The following NUDT19 variants were observed in gnomAD, a reference collection of about 807,000 sequenced individuals.
NUDT19 encodes nudix hydrolase 19, also known as acyl-coenzyme A diphosphatase NUDT19.
In NUDT19, 31 loss-of-function variants were observed where a neutral mutation model predicts 22.2. The ratio of observed to expected loss-of-function variants is 1.40; its 90% CI spans 1.05 to 1.89. NUDT19 has a LOEUF of 1.89. Among genes scored for constraint, NUDT19 ranks in the 40% most tolerant of loss-of-function variants. The pLI, the probability that NUDT19 is intolerant of heterozygous loss-of-function variation, is 0.00. For missense variants in NUDT19, 752 were observed against 514.2 expected, an observed-to-expected ratio of 1.46 and a Z score of -4.47; for synonymous variants, 325 against 230.8, an observed-to-expected ratio of 1.41 and a Z score of -3.70.
Position 32,692,072 on chromosome 19 carries a change from C to A in NUDT19, c.112C>A (p.Pro38Thr), listed in dbSNP as rs1485307901. 4.6e-6 allele frequency: 6 copies of A among 1,300,542 alleles called. No homozygotes were observed. The highest frequency in any genetic ancestry group is 4.0e-5 in the Admixed American group (1 of 25,198). The allele number at this position is 1,300,542 out of a possible 1,614,324, so 80.6% of individuals were successfully genotyped here. ...ETATPPSRPPPAEGFRLLLLQ... is the reference protein window; with the variant it reads ...ETATPPSRPPTAEGFRLLLLQ... ...CGCCACCCCGCCGTCGCGCCCGCCG[C>A]CGGCCGAGGGCTTCCGGCTGCTGCT... The change falls in exon 1 of 3, where the codon CCG (proline) becomes ACG (threonine). Residue 38 changes from proline to threonine, a missense_variant. Physicochemically the swap from Pro to Thr is conservative, Grantham distance 38. Transcript: ENST00000397061.
intron 1 of NUDT19, among the ~76,000 whole-genome samples, chr19:32,695,972 T>G (rs1173237970): frequency 6.6e-6 from 1 of 152,254 alleles, no homozygotes; most frequent in Admixed American, 6.5e-5. Flanking sequence ...TGGCATAACC[T>G]GCCCTTCGTA....
At chr19:32,701,137 C>T (rs1968330779) in intron 1 of NUDT19, among the ~76,000 whole-genome samples, 1 of 147,392 alleles carries the variant, frequency 6.8e-6, no homozygotes, top group Admixed American at 6.8e-5. Flanking sequence ...ATGTATTCTG[C>T]TATTTGTTGG....
intron 2 of NUDT19, among the ~76,000 whole-genome samples, chr19:32,710,579 G>A (rs1307738459): frequency 6.6e-6 from 1 of 150,656 alleles, no homozygotes; most frequent in Admixed American, 6.6e-5. Context: ...GCGACAGAGC[G>A]ACACTCTCTG....
intron 2 of NUDT19, among the ~76,000 whole-genome samples, chr19:32,709,606 A>G (rs1232335634): frequency 2.6e-5 from 4 of 152,012 alleles, no homozygotes; most frequent in Non-Finnish European, 4.4e-5. Flanking sequence ...ATTTATATTA[A>G]TATATTTCCT....
intron 1 of NUDT19, among the ~76,000 whole-genome samples, chr19:32,701,438 T>C (rs1599799479): frequency 6.6e-6 from 1 of 152,068 alleles, no homozygotes; most frequent in African/African-American, 2.4e-5. Flanking sequence ...CCTCAGGTGA[T>C]CCACCTGTCT....
At position 32,692,024 on chromosome 19, in the gene NUDT19, G is replaced by C. The variant is rs1021424199; in HGVS notation, c.64G>C (p.Ala22Pro). The change falls in exon 1 of 3, where the codon GCT (alanine) becomes CCT (proline). Residue 22 changes from alanine (A) to proline (P), a missense_variant. Coordinates refer to ENST00000397061, the MANE Select transcript of NUDT19 (RefSeq NM_001105570.2). ...WRRAASIVLA[A>P]GWSRPETATP... is the part of the protein sequence containing the mutation. ...GCGGGCGGCCAGCATCGTCCTGGCG[G>C]CTGGCTGGTCGCGCCCGGAGACCGC... The C allele has an allele frequency of 2.2e-5, 28 of 1,261,144 alleles. No homozygotes were observed. Among genetic ancestry groups the C allele is most frequent in the Middle Eastern group, 3.0e-4 (1 of 3,334 alleles). The allele number at this position is 1,261,144 out of a possible 1,614,324, so 78.1% of individuals were successfully genotyped here.
intron 1 of NUDT19, among the ~76,000 whole-genome samples, chr19:32,708,062 T>C (rs1968406323): frequency 6.7e-6 from 1 of 150,262 alleles, no homozygotes; most frequent in Non-Finnish European, 1.5e-5. Flanking sequence ...AGGCAGAGAA[T>C]TGCTTGAACC....
intron 1 of NUDT19, among the ~76,000 whole-genome samples, chr19:32,701,512 T>C (rs1024246728): frequency 2.3e-4 from 35 of 152,146 alleles, no homozygotes; most frequent in African/African-American, 7.7e-4. Flanking sequence ...TTGCAAGTCT[T>C]CTATATCATT....
chr19:32,706,412 C>T (rs551757144), intron 1 of NUDT19, among the ~76,000 whole-genome samples: 37 of 152,308 alleles, frequency 2.4e-4, no homozygotes, highest in African/African-American at 7.5e-4. Flanking sequence ...TGGCTGAGCA[C>T]GGTGGCTCAT....
intron 1 of NUDT19, among the ~76,000 whole-genome samples, chr19:32,708,227 A>G (rs1324435487): frequency 6.6e-6 from 1 of 151,302 alleles, no homozygotes; most frequent in Non-Finnish European, 1.5e-5. Flanking sequence ...GGAGATCGAG[A>G]CCATCCTGGC....
At position 32,692,197 on chromosome 19, in the gene NUDT19, C is replaced by T. The variant is rs547610968; in HGVS notation, c.237C>T (p.Leu79=). The T allele has an allele frequency of 3.2e-6, 5 of 1,573,486 alleles. No individual in the cohort carries two copies. In the South Asian group the frequency reaches 3.4e-5, roughly 11 times the overall value. ...ACCGCTCGGCGGACTGGCTGGGCCT[C>T]TTCGCGCCGCACCACGGGCCGCCGC... ...AADRSADWLG[L]FAPHHGPPRF... is the part of the protein sequence containing the mutation. Residue 79 remains leucine (L), a synonymous_variant, in exon 1 of 3, where the codon CTC becomes CTT. Transcript: ENST00000397061.
chr19:32,698,026 G>C (rs568374411), intron 1 of NUDT19, among the ~76,000 whole-genome samples: 2 of 152,226 alleles, frequency 1.3e-5, no homozygotes, highest in African/African-American at 4.8e-5. Flanking sequence ...CATTAGAGGA[G>C]GATTATCATT....
rs374306347 is a variant in NUDT19 at position 32,692,349 on chromosome 19, G to C, written c.389G>C (p.Arg130Pro). Residue 130 changes from arginine to proline, a missense_variant, in exon 1 of 3, where the codon CGG (arginine) becomes CCG (proline). Coordinates refer to ENST00000397061, the MANE Select transcript of NUDT19 (RefSeq NM_001105570.2). ...GTAGCCTTCCGCATCTGCGCCGTGC[G>C]GGAGGCCTTTGAGGAGGCGGGCGTG... ...EDVAFRICAVREAFEEAGVLL... is the reference protein window; with the variant it reads ...EDVAFRICAVPEAFEEAGVLL... 85 of 1,590,476 alleles carry C rather than the reference G, an allele frequency of 5.3e-5. 1 individual carries two copies. Among genetic ancestry groups the C allele is most frequent in the Middle Eastern group, 1.7e-4 (1 of 6,046 alleles).
chr19:32,713,112 GT>G lies in NUDT19; in HGVS notation c.*1158del, dbSNP rs1211562692. The G allele has an allele frequency of 3.3e-5, 5 of 152,034 alleles. No homozygotes were observed. The highest frequency in any genetic ancestry group is 7.4e-5 in the Non-Finnish European group (5 of 67,984). 9.4% of individuals were successfully genotyped at this position (152,034 alleles called of 1,614,324 possible). A position where few individuals can be genotyped will look rare whatever the true frequency, so the allele number is the denominator to read the frequency against. ...AAAATCAAATGGTATTAGTTATTAT[GT>G]TTCCCAAATTAGAAATCGATTTTAG... On this transcript the variant is annotated 3_prime_UTR_variant, in exon 3 of 3. Transcript: ENST00000397061.
chr19:32,693,339 C>T (rs1002202159), intron 1 of NUDT19, among the ~76,000 whole-genome samples: 10 of 151,802 alleles, frequency 6.6e-5, no homozygotes, highest in African/African-American at 4.8e-5. Context: ...AAAGGTGGTG[C>T]GTCAGGAGTT....
At chr19:32,708,706 C>G (rs1968414264) in intron 1 of NUDT19, among the ~76,000 whole-genome samples, 1 of 152,142 alleles carries the variant, frequency 6.6e-6, no homozygotes, top group Admixed American at 6.6e-5. Flanking sequence ...CATCACAAAG[C>G]ATTTTGGTTG....
At chr19:32,704,186 G>A (rs1263174465) in intron 1 of NUDT19, among the ~76,000 whole-genome samples, 1 of 151,690 alleles carries the variant, frequency 6.6e-6, no homozygotes, top group Admixed American at 6.6e-5. Flanking sequence ...TTTTCCTTAT[G>A]TACCTAAAAA....
At chr19:32,703,523 A>T (rs1311618186) in intron 1 of NUDT19, among the ~76,000 whole-genome samples, 2 of 147,198 alleles carry the variant, frequency 1.4e-5, no homozygotes, top group Non-Finnish European at 3.0e-5. Context: ...CCAATTTTGT[A>T]TTTTCAGTAG....
chr19:32,707,942 C>G (rs1018354696), intron 1 of NUDT19, among the ~76,000 whole-genome samples: 14 of 148,388 alleles, frequency 9.4e-5, no homozygotes, highest in African/African-American at 3.5e-4. Flanking sequence ...CACACCACTG[C>G]AGTCCAGCCT....
Sources: gnomAD v4.1 joint callset for allele counts (sites outside exome capture counted in the v4.1 genomes callset) on GRCh38, gnomAD v4.1.1 for gene constraint, MANE v1.5 for transcripts, NCBI Gene and HGNC (gene_info 2026-07-23, HGNC 2026-07-21) for gene names.